The following ZNF268 variants were observed in gnomAD, a reference collection of about 807,000 sequenced individuals.
ZNF268 encodes zinc finger protein 3.
ZNF268 carries 20 observed loss-of-function variants against 29.3 expected under a neutral mutation model. The ratio of observed to expected loss-of-function variants is 0.68; its 90% CI spans 0.48 to 0.99. The LOEUF is 0.99. Among genes scored for constraint, ZNF268 ranks in the 50% least tolerant of loss-of-function variants. ZNF268 has a pLI of 0.00. For missense variants in ZNF268, 1,240 were observed against 1,121.6 expected (o/e 1.11, Z -1.51); for synonymous variants, 429 against 376.9 (o/e 1.14, Z -1.60).
intron 3 of ZNF268, 80 bp downstream of exon 3, chr12:133,188,152 T>C: frequency 7.7e-7 from 1 of 1,306,486 alleles, no homozygotes; most frequent in Admixed American, 2.4e-5. Context: ...TGGAGATCCT[T>C]AGGTCAGAGG....
intron 2 of ZNF268, among the ~76,000 whole-genome samples, chr12:133,183,863 T>G (rs983720738): frequency 3.9e-5 from 6 of 152,026 alleles, no homozygotes; most frequent in Non-Finnish European, 7.4e-5. Flanking sequence ...CCAAGAAAAG[T>G]AAGACAAAAT....
Position 133,214,490 on chromosome 12 carries a change from C to A in ZNF268, c.*9960C>A, listed in dbSNP as rs1026641309. On this transcript the variant is annotated 3_prime_UTR_variant, in exon 6 of 6. Transcript: ENST00000536435. ...TTCAAGTCCAGTCTGGGCAGCATAG[C>A]AAGACTCCATGTCTACAAAGATAAA... The A allele has an allele frequency of 1.3e-5, 2 of 152,218 alleles. No individual in the cohort carries two copies. The highest frequency in any genetic ancestry group is 2.9e-5 in the Non-Finnish European group (2 of 68,098). 9.4% of individuals were successfully genotyped at this position (152,218 alleles called of 1,614,324 possible). A position where few individuals can be genotyped will look rare whatever the true frequency, so the allele number is the denominator to read the frequency against.
intron 2 of ZNF268, 128 bp from the exon 3 acceptor site, chr12:133,187,744 C>A: frequency 1.1e-6 from 1 of 887,130 alleles, no homozygotes; most frequent in African/African-American, 1.7e-5. Flanking sequence ...TCTAACCCTG[C>A]ATTTCCTGAA....
rs578130313 is a variant in ZNF268, at chr12:133,203,584, C to A, written c.1898C>A (p.Thr633Asn). 6.4e-7 allele frequency: 1 copy of A among 1,568,806 alleles called. No homozygotes were observed. The highest frequency in any genetic ancestry group is 1.9e-5 in the Admixed American group (1 of 53,412). The stretch of plus-strand genomic sequence containing the variant: ...TCAAACCTGATTGTACATCAGAGAA[C>A]TCATACAGGAGAGAAACCCTATAGT... ...TKSNLIVHQR[T>N]HTGEKPYSCN... Residue 633 changes from threonine (T) to asparagine (N), a missense_variant, in exon 6 of 6, where the codon ACT becomes AAT. Around this residue, in one of 3 missense-constraint regions of ZNF268, gnomAD observed 1,177 missense variants for 1,039.6 expected, o/e 1.13. Transcript: ENST00000536435.
chr12:133,214,184 A>T lies in ZNF268; in HGVS notation c.*9654A>T, dbSNP rs1020072679. On this transcript the variant is annotated 3_prime_UTR_variant, in exon 6 of 6. Coordinates refer to ENST00000536435, the MANE Select transcript of ZNF268 (RefSeq NM_003415.3). ...AATAGCATATGAAACGATACTCAAC[A>T]TCACTAGCCATCATGGAAATATAAA... 3 of 152,230 alleles carry T rather than the reference A, an allele frequency of 2.0e-5. No homozygotes were observed. Among genetic ancestry groups the T allele is most frequent in the African/African-American group, 7.2e-5 (3 of 41,468 alleles). 9.4% of individuals were successfully genotyped at this position (152,230 alleles called of 1,614,324 possible).
chr12:133,182,682 A>G (rs954271937), intron 2 of ZNF268, among the ~76,000 whole-genome samples: 5 of 152,198 alleles, frequency 3.3e-5, no homozygotes, highest in African/African-American at 9.7e-5. Context: ...AAAGTAGACA[A>G]AGGATTAAAA....
At position 133,203,461 on chromosome 12, in the gene ZNF268, C is replaced by T. The variant is rs1456636927; in HGVS notation, c.1775C>T (p.Ala592Val). The change falls in exon 6 of 6, where the codon GCT becomes GTT. Residue 592 changes from alanine to valine, a missense_variant. Ala to Val is a moderately conservative substitution (Grantham distance 64). Around this residue, in one of 3 missense-constraint regions of ZNF268, gnomAD observed 1,177 missense variants for 1,039.6 expected, o/e 1.13. Transcript: ENST00000536435. ...KPYECTDCGK[A>V]FGLKSQLIIH... is the part of the protein sequence containing the mutation. Reference sequence around the variant, plus strand: ...TATGAATGCACCGACTGTGGAAAGGCTTTTGGTTTAAAGTCACAGCTTATT... The same window carrying T: ...TATGAATGCACCGACTGTGGAAAGGTTTTTGGTTTAAAGTCACAGCTTATT... The T allele has an allele frequency of 6.5e-7, 1 of 1,542,032 alleles. No individual in the cohort carries two copies. Among genetic ancestry groups the T allele is most frequent in the East Asian group, 2.4e-5 (1 of 41,066 alleles).
chr12:133,202,583 C>T lies in ZNF268; in HGVS notation c.897C>T (p.Ala299=), dbSNP rs751924526. The change falls in exon 6 of 6, where the codon GCC becomes GCT. Residue 299 remains alanine, a synonymous_variant. Coordinates refer to ENST00000536435, the MANE Select transcript of ZNF268 (RefSeq NM_003415.3). Reference sequence around the variant, plus strand: ...TTCTAGTGCATCAGCAAACTCATGCCGAAGAGAAACCCTATGGTTGTAATG... The same window carrying T: ...TTCTAGTGCATCAGCAAACTCATGCTGAAGAGAAACCCTATGGTTGTAATG... ...SYLLVHQQTH[A]EEKPYGCNEC... is the part of the protein sequence containing the mutation. 84 of 1,607,368 alleles carry T rather than the reference C, an allele frequency of 5.2e-5. No homozygotes were observed. The highest frequency in any genetic ancestry group is 1.9e-4 in the Admixed American group (11 of 58,730).
rs1216865850 is a variant in ZNF268 at position 133,206,261 on chromosome 12, A to G, written c.*1731A>G. 1 of 152,254 alleles carries G rather than the reference A, an allele frequency of 6.6e-6. No individual in the cohort carries two copies. The highest frequency in any genetic ancestry group is 1.9e-4 in the East Asian group (1 of 5,200). 9.4% of individuals were successfully genotyped at this position (152,254 alleles called of 1,614,324 possible). The stretch of plus-strand genomic sequence containing the variant: ...TTGGCCCATGCTATGAAGTCATGAA[A>G]TGAATTGTTGGCATCATGTGCTCAC... On this transcript the variant is annotated 3_prime_UTR_variant, in exon 6 of 6. Coordinates refer to ENST00000536435, the MANE Select transcript of ZNF268 (RefSeq NM_003415.3).
At chr12:133,184,848 C>A in intron 2 of ZNF268, 1 of 333,462 alleles carries the variant, frequency 3.0e-6, no homozygotes, top group Non-Finnish European at 6.4e-6. Flanking sequence ...TGGAGGGATG[C>A]AATCATTGAA....
rs1956914396 is a variant in ZNF268, at chr12:133,207,236, T to A, written c.*2706T>A. ...ATCCAAGGAAAAATAACCCCAATATTTTACAACTTCCCCATCAAATAGAAA... is the reference window on the plus strand; with the variant it reads ...ATCCAAGGAAAAATAACCCCAATATATTACAACTTCCCCATCAAATAGAAA... On this transcript the variant is annotated 3_prime_UTR_variant, in exon 6 of 6. Coordinates refer to ENST00000536435, the MANE Select transcript of ZNF268 (RefSeq NM_003415.3). 6.6e-6 allele frequency: 1 copy of A among 152,122 alleles called. No homozygotes were observed. Among genetic ancestry groups the A allele is most frequent in the South Asian group, 2.1e-4 (1 of 4,828 alleles). 9.4% of individuals were successfully genotyped at this position (152,122 alleles called of 1,614,324 possible).
chr12:133,204,758 A>T lies in ZNF268; in HGVS notation c.*228A>T. 2.5e-6 allele frequency: 1 copy of T among 403,130 alleles called. No individual in the cohort carries two copies. The highest frequency in any genetic ancestry group is 7.2e-5 in the South Asian group (1 of 13,956). The allele number at this position is 403,130 out of a possible 1,614,324, so 25.0% of individuals were successfully genotyped here. ...ACTGAATTTAGTAACCACTCTGAAA[A>T]TTTTTAGCAGCAAGTCATACCTTTT... On this transcript the variant is annotated 3_prime_UTR_variant, in exon 6 of 6. Transcript: ENST00000536435.
Position 133,205,226 on chromosome 12 carries a change from A to C in ZNF268, c.*696A>C, listed in dbSNP as rs1443240838. The C allele has an allele frequency of 1.3e-5, 2 of 150,486 alleles. No individual in the cohort carries two copies. Among genetic ancestry groups the C allele is most frequent in the African/African-American group, 4.9e-5 (2 of 41,232 alleles). 9.3% of individuals were successfully genotyped at this position (150,486 alleles called of 1,614,324 possible). A position where few individuals can be genotyped will look rare whatever the true frequency, so the allele number is the denominator to read the frequency against. On this transcript the variant is annotated 3_prime_UTR_variant, in exon 6 of 6. Transcript: ENST00000536435. ...ATTTTGAAGAATTATTTCTTTTAGG[A>C]ATCATTTTAAGAAATTTTATTCCAG...
chr12:133,204,040 G>T lies in ZNF268; in HGVS notation c.2354G>T (p.Cys785Phe). 1.3e-6 allele frequency: 2 copies of T among 1,569,908 alleles called. No individual in the cohort carries two copies. Among genetic ancestry groups the T allele is most frequent in the Non-Finnish European group, 1.7e-6 (2 of 1,160,758 alleles). The change falls in exon 6 of 6, where the codon TGT becomes TTT. Residue 785 changes from cysteine (C) to phenylalanine (F), a missense_variant. Physicochemically the swap from Cys to Phe is radical, Grantham distance 205. This residue lies in a region of ZNF268 where 1,177 missense variants were observed against 1,039.6 expected (regional missense o/e 1.13). Transcript: ENST00000536435. ...AGEKPYGCSE[C>F]GKAFSSKSYL... is the part of the protein sequence containing the mutation. Reference sequence around the variant, plus strand: ...GAAAAGCCTTATGGGTGCAGTGAATGTGGGAAAGCTTTTAGCAGCAAGTCA... The same window carrying T: ...GAAAAGCCTTATGGGTGCAGTGAATTTGGGAAAGCTTTTAGCAGCAAGTCA...
rs1204322036 is a variant in ZNF268 at position 133,212,526 on chromosome 12, T to C, written c.*7996T>C. ...ATATATACACACACACATACACACA[T>C]ATATACACATATATATACACATATA... On this transcript the variant is annotated 3_prime_UTR_variant, in exon 6 of 6. Coordinates refer to ENST00000536435, the MANE Select transcript of ZNF268 (RefSeq NM_003415.3). The C allele has an allele frequency of 1.6e-4, 23 of 139,726 alleles. No individual in the cohort carries two copies. Among genetic ancestry groups the C allele is most frequent in the African/African-American group, 5.4e-4 (19 of 35,344 alleles). The allele number at this position is 139,726 out of a possible 1,614,324, so 8.7% of individuals were successfully genotyped here. A position where few individuals can be genotyped will look rare whatever the true frequency, so the allele number is the denominator to read the frequency against.
rs763136079 is a variant in ZNF268, at chr12:133,204,634, C to T, written c.*104C>T. ...TCATCTTGTCATCTTCCAGAAAACT[C>T]ATACTGAATAGAAACTTTATGAATG... On this transcript the variant is annotated 3_prime_UTR_variant, in exon 6 of 6. Coordinates refer to ENST00000536435, the MANE Select transcript of ZNF268 (RefSeq NM_003415.3). 252 of 867,028 alleles carry T rather than the reference C, an allele frequency of 2.9e-4. No individual in the cohort carries two copies. The highest frequency in any genetic ancestry group is 3.7e-4 in the Non-Finnish European group (228 of 616,724). The allele number at this position is 867,028 out of a possible 1,614,324, so 53.7% of individuals were successfully genotyped here.
intron 3 of ZNF268, among the ~76,000 whole-genome samples, chr12:133,190,690 A>G (rs935140042): frequency 1.1e-4 from 16 of 152,202 alleles, no homozygotes; most frequent in African/African-American, 3.6e-4. Context: ...CTGGGTACCA[A>G]TAGTGCCCTT....
rs772079484 is a variant in ZNF268, at chr12:133,191,852, A to G, written c.362-56A>G. The G allele has an allele frequency of 1.3e-5, 21 of 1,584,770 alleles. 1 individual carries two copies. In the South Asian group the frequency reaches 2.0e-4, roughly 15 times the overall value. On this transcript the variant is annotated intron_variant, in intron 4 of 5. Transcript: ENST00000536435. ...AAACCAAATCTTTCCCGTTCTTCAGAATCTCTGAATCTCAAGCTGTTTGTT... is the reference window on the plus strand; with the variant it reads ...AAACCAAATCTTTCCCGTTCTTCAGGATCTCTGAATCTCAAGCTGTTTGTT...
intron 5 of ZNF268, among the ~76,000 whole-genome samples, chr12:133,196,058 T>A (rs1160643198): frequency 6.9e-6 from 1 of 145,908 alleles, no homozygotes. Flanking sequence ...GTGTGGTGGC[T>A]CATGCCTGTA....
Sources: gnomAD v4.1 joint callset for allele counts (sites outside exome capture counted in the v4.1 genomes callset) on GRCh38, gnomAD v4.1.1 for gene constraint, gnomAD v4.1.1 regional missense constraint, MANE v1.5 for transcripts, NCBI Gene and HGNC (gene_info 2026-07-23, HGNC 2026-07-21) for gene names.